The following MDGA1 variants were observed in gnomAD, a reference collection of about 807,000 sequenced individuals.
The protein encoded by MDGA1 is MAM domain-containing glycosylphosphatidylinositol anchor protein 1.
Under a neutral mutation model 101.5 loss-of-function variants are expected in MDGA1, and 54 were observed. The observed-to-expected ratio is 0.53, with a 90% CI of 0.43 to 0.67. The LOEUF (loss-of-function observed/expected upper bound fraction) is 0.67, where lower values mean the gene tolerates loss of function less well. Ranked by LOEUF, MDGA1 falls within the 30% of genes least tolerant of loss-of-function variation. The pLI is 0.00. For synonymous variants in MDGA1, 533 were observed against 558.3 expected, an observed-to-expected ratio of 0.95 and a Z score of 0.64; for missense variants, 1,083 against 1,323.8, an observed-to-expected ratio of 0.82 and a Z score of 2.82.
At position 37,696,370 on chromosome 6, in the gene MDGA1, G is replaced by A. The variant is rs1044494503; in HGVS notation, c.67+375C>T. 2.0e-5 allele frequency among the ~76,000 whole-genome samples: 3 copies of A among 152,178 alleles called. No individual in the cohort carries two copies. Among genetic ancestry groups the A allele is most frequent in the Non-Finnish European group, 4.4e-5 (3 of 68,022 alleles). ...GCAACTCCGGCTCATGCATCGCTTG[G>A]CTTCCACTCCGGAGGCCGAGCCAGG... On this transcript the variant is annotated intron_variant, in intron 1 of 16. Coordinates refer to ENST00000434837, the MANE Select transcript of MDGA1 (RefSeq NM_153487.4). The surrounding 1 kb of genome is among the most constrained non-coding windows in gnomAD (Gnocchi z 5.6).
At chr6:37,647,149 G>C in intron 10 of MDGA1, 24 bp downstream of exon 10, 1 of 1,579,902 alleles carries the variant, frequency 6.3e-7, no homozygotes, top group Non-Finnish European at 8.6e-7. Flanking sequence ...CCTGCCCCCA[G>C]GCCCCCGCTC....
Position 37,637,435 on chromosome 6 carries a change from G to T in MDGA1, c.2801C>A (p.Ala934Asp). 2 of 1,613,372 alleles carry T rather than the reference G, an allele frequency of 1.2e-6. No homozygotes were observed. Among genetic ancestry groups the T allele is most frequent in the Admixed American group, 1.7e-5 (1 of 60,006 alleles). Residue 934 changes from alanine (A) to aspartate (D), a missense_variant, in exon 17 of 17, where the codon GCC becomes GAC. Around this residue, in one of 3 missense-constraint regions of MDGA1, gnomAD observed 657 missense variants for 771.4 expected, o/e 0.85. Coordinates refer to ENST00000434837, the MANE Select transcript of MDGA1 (RefSeq NM_153487.4). ...CAGCTGTGGGCTGGACTGGCAGGGG[G>T]CTCCACTGCCCGGCATCACCACCAC... The part of the protein sequence containing the change: ...NKVVVMPGSG[A>D]PCQSSPQLWG...
intron 10 of MDGA1, 114 bp from the exon 11 acceptor site, chr6:37,646,489 T>C (rs1761201468): frequency 1.2e-6 from 1 of 838,908 alleles, no homozygotes; most frequent in Non-Finnish European, 1.7e-6. Context: ...GTCTTCATAA[T>C]AAAAATGATG....
At chr6:37,657,221 A>C (rs1446049965) in intron 3 of MDGA1, among the ~76,000 whole-genome samples, 1 of 152,226 alleles carries the variant, frequency 6.6e-6, no homozygotes, top group Non-Finnish European at 1.5e-5. Context: ...GATCAATTAC[A>C]TCAGAATCTC....
Position 37,650,443 on chromosome 6 carries a change from G to A in MDGA1, c.1313-38C>T, listed in dbSNP as rs763992874. On this transcript the variant is annotated intron_variant, in intron 7 of 16. Transcript: ENST00000434837. ...TGGTGATCAGCGGAGAGGTAGGAGC[G>A]GAGTTAGAGCTCCCCACTGGGCTCT... is the stretch of plus-strand genomic sequence containing the variant. 11 of 1,474,442 alleles carry A rather than the reference G, an allele frequency of 7.5e-6. No homozygotes were observed. The South Asian group carries it at 1.4e-4, about 18-fold the overall frequency. 91.3% of individuals were successfully genotyped at this position (1,474,442 alleles called of 1,614,324 possible).
chr6:37,649,745 T>G, intron 8 of MDGA1: 1 of 470,088 alleles, frequency 2.1e-6, no homozygotes, highest in Non-Finnish European at 4.0e-6. Flanking sequence ...GTTAGTGCAT[T>G]AAAACTCTTA....
Position 37,637,291 on chromosome 6 carries a change from G to A in MDGA1, c.*77C>T, listed in dbSNP as rs543750376. ...CCTGCCCCTGGGCACCCCAGCTGGCGGGGGTCAGTCTTTGGTACAATGTGG... is the reference window on the plus strand; with the variant it reads ...CCTGCCCCTGGGCACCCCAGCTGGCAGGGGTCAGTCTTTGGTACAATGTGG... On this transcript the variant is annotated 3_prime_UTR_variant, in exon 17 of 17. Coordinates refer to ENST00000434837, the MANE Select transcript of MDGA1 (RefSeq NM_153487.4). The A allele has an allele frequency of 1.4e-4, 168 of 1,210,718 alleles. 1 individual carries two copies. Among genetic ancestry groups the A allele is most frequent in the Non-Finnish European group, 1.1e-4 (94 of 831,248 alleles). The allele number at this position is 1,210,718 out of a possible 1,614,324, so 75.0% of individuals were successfully genotyped here.
intron 1 of MDGA1, among the ~76,000 whole-genome samples, chr6:37,665,162 C>G (rs975624789): frequency 6.6e-6 from 1 of 152,126 alleles, no homozygotes; most frequent in Non-Finnish European, 1.5e-5. Flanking sequence ...CAGCCCCTAC[C>G]TCATTGTCTA....
intron 1 of MDGA1, among the ~76,000 whole-genome samples, chr6:37,683,290 G>C (rs1762133408): frequency 6.6e-6 from 1 of 152,206 alleles, no homozygotes; most frequent in Non-Finnish European, 1.5e-5. Context: ...CAGTGAGCAG[G>C]TCTGGTGGCT....
rs972432444 is a variant in MDGA1 at position 37,654,308 on chromosome 6, G to A, written c.948C>T (p.Asn316=). 6.3e-7 allele frequency: 1 copy of A among 1,579,524 alleles called. No homozygotes were observed. The highest frequency in any genetic ancestry group is 8.6e-7 in the Non-Finnish European group (1 of 1,161,852). The change falls in exon 6 of 17, where the codon AAC becomes AAT. Residue 316 remains asparagine (N), a synonymous_variant. Coordinates refer to ENST00000434837, the MANE Select transcript of MDGA1 (RefSeq NM_153487.4). ...GCAGGTTGACAGTCTTCTTGGCAGGGTTGCCCACATTGTTGGTGGCTGTGC... is the reference window on the plus strand; with the variant it reads ...GCAGGTTGACAGTCTTCTTGGCAGGATTGCCCACATTGTTGGTGGCTGTGC... ...YNCTATNNVG[N]PAKKTVNLLV...
Position 37,636,780 on chromosome 6 carries a change from G to A in MDGA1, c.*588C>T, listed in dbSNP as rs1434250000. On this transcript the variant is annotated 3_prime_UTR_variant, in exon 17 of 17. Coordinates refer to ENST00000434837, the MANE Select transcript of MDGA1 (RefSeq NM_153487.4). ...CTCTGGACAGAATCGTGTGCAGCAG[G>A]TGCCCTACCTTCCTTGTCTCCTGGA... The A allele has an allele frequency of 2.0e-5, 3 of 153,000 alleles. No homozygotes were observed. Among genetic ancestry groups the A allele is most frequent in the African/African-American group, 7.2e-5 (3 of 41,556 alleles). The allele number at this position is 153,000 out of a possible 1,614,324, so 9.5% of individuals were successfully genotyped here.
In MDGA1 at chr6:37,655,894, G is replaced by C. The variant is rs1472248695; in HGVS notation, c.385C>G (p.Leu129Val). 6.2e-7 allele frequency: 1 copy of C among 1,611,102 alleles called. No individual in the cohort carries two copies. Among genetic ancestry groups the C allele is most frequent in the Non-Finnish European group, 8.5e-7 (1 of 1,178,628 alleles). Residue 129 changes from leucine (L) to valine (V), a missense_variant and splice_region_variant, in exon 4 of 17, where the codon CTG (leucine) becomes GTG (valine). Coordinates refer to ENST00000434837, the MANE Select transcript of MDGA1 (RefSeq NM_153487.4). The surrounding 1 kb of genome is among the most constrained non-coding windows in gnomAD (Gnocchi z 5.1). ...IKSIRVDVQY[L>V]DEPMLTVHQT... is the part of the protein sequence containing the mutation. ...TGCACCGTCAGCATTGGCTCATCCA[G>C]GTCTGCAAGGGCACAGCCCCCATGG...
chr6:37,643,747 C>T lies in MDGA1; in HGVS notation c.2536+62G>A. On this transcript the variant is annotated intron_variant, in intron 14 of 16. Transcript: ENST00000434837. ...GGGCCAGCCCATCGCCTCCTGTGGA[C>T]CCCACTCCCCTCCCATCCTCCAGCA... The T allele has an allele frequency of 3.1e-6, 5 of 1,599,210 alleles. No homozygotes were observed. The South Asian group carries it at 3.4e-5, about 11-fold the overall frequency.
chr6:37,672,889 G>C, intron 1 of MDGA1, among the ~76,000 whole-genome samples: 1 of 152,018 alleles, frequency 6.6e-6, no homozygotes, highest in East Asian at 1.9e-4. Flanking sequence ...GAGGCAGAGA[G>C]GGAGCAGGGA....
chr6:37,664,897 A>T (rs1761712325), intron 1 of MDGA1, among the ~76,000 whole-genome samples: 1 of 143,224 alleles, frequency 7.0e-6, no homozygotes, highest in Non-Finnish European at 1.6e-5. Flanking sequence ...ACACACACAC[A>T]CACACACACG....
At chr6:37,695,951 G>A (rs866014181) in intron 1 of MDGA1, among the ~76,000 whole-genome samples, 7 of 152,194 alleles carry the variant, frequency 4.6e-5, no homozygotes, top group African/African-American at 1.4e-4. Flanking sequence ...ATGGAAGGGG[G>A]AAGGGGTAAC....
intron 1 of MDGA1, among the ~76,000 whole-genome samples, chr6:37,676,577 A>G (rs557298040): frequency 9.2e-5 from 14 of 152,158 alleles, no homozygotes; most frequent in Non-Finnish European, 2.1e-4. Context: ...GTGGCAGGGG[A>G]GTCCTTTCCA....
rs1380243662 is a variant in MDGA1 at position 37,655,548 on chromosome 6, C to T, written c.579+152G>A. 3.1e-6 allele frequency: 2 copies of T among 649,444 alleles called. 1 individual carries two copies. The highest frequency in any genetic ancestry group is 8.0e-4 in the Middle Eastern group (2 of 2,492). The allele number at this position is 649,444 out of a possible 1,614,324, so 40.2% of individuals were successfully genotyped here. A position where few individuals can be genotyped will look rare whatever the true frequency, so the allele number is the denominator to read the frequency against. On this transcript the variant is annotated intron_variant, in intron 4 of 16. Transcript: ENST00000434837. The surrounding 1 kb of genome is among the most constrained non-coding windows in gnomAD (Gnocchi z 5.1). ...GACCTTTCCATCTGATTTTTCTGCC[C>T]CAGGCTGTCTGAACTCCAATCAGAA...
Position 37,647,072 on chromosome 6 carries a change from A to G in MDGA1, c.2046+101T>C, listed in dbSNP as rs1448274524. 3.6e-6 allele frequency: 4 copies of G among 1,113,656 alleles called. No individual in the cohort carries two copies. In the African/African-American group the frequency reaches 4.7e-5, roughly 13 times the overall value. 69.0% of individuals were successfully genotyped at this position (1,113,656 alleles called of 1,614,324 possible). On this transcript the variant is annotated intron_variant, in intron 10 of 16. Coordinates refer to ENST00000434837, the MANE Select transcript of MDGA1 (RefSeq NM_153487.4). The stretch of plus-strand genomic sequence containing the variant: ...TGCCTCTAAAAGGGTCAACGTGTCT[A>G]AGCCCCATCTCCGACCCTTCCTCTG...
Sources: allele counts gnomAD v4.1 joint callset (sites outside exome capture counted in the v4.1 genomes callset), GRCh38; gene constraint gnomAD v4.1.1; regional missense constraint gnomAD v4.1.1; non-coding constraint Gnocchi (gnomAD v3.1); transcripts MANE v1.5; gene names NCBI Gene and HGNC (gene_info 2026-07-23, HGNC 2026-07-21).